Variants in ULK4 observed in about 807,000 individuals in gnomAD.
ULK4 encodes unc-51 like kinase 4, also known as inactive serine/threonine-protein kinase ULK4.
Under a neutral mutation model 160.6 loss-of-function variants are expected in ULK4, and 133 were observed. The ratio of observed to expected loss-of-function variants is 0.83; its 90% CI spans 0.72 to 0.96. The LOEUF (loss-of-function observed/expected upper bound fraction) is 0.96, where lower values mean the gene tolerates loss of function less well. ULK4 is among the 40% of genes least tolerant of loss of function. ULK4 has a pLI of 0.00. For missense variants in ULK4, 1,580 were observed against 1,499.5 expected, an observed-to-expected ratio of 1.05 and a Z score of -0.89; for synonymous variants, 534 against 539.8, an observed-to-expected ratio of 0.99 and a Z score of 0.15.
rs1280370260 is a variant in ULK4, at chr3:41,409,431, C to G, written c.3493-11167G>C. Reference sequence around the variant, plus strand: ...ACTGATTTGCTATAAAGGATATAACCAAGAAAGTAAAAAGACAACCCACAA... The same window carrying G: ...ACTGATTTGCTATAAAGGATATAACGAAGAAAGTAAAAAGACAACCCACAA... On this transcript the variant is annotated intron_variant, in intron 34 of 36. Transcript: ENST00000301831. Among the ~76,000 whole-genome samples the G allele has an allele frequency of 2.0e-5, 3 of 152,068 alleles. No individual in the cohort carries two copies. In the East Asian group the frequency reaches 5.8e-4, roughly 29 times the overall value.
chr3:41,508,623 C>T (rs1350065550), intron 32 of ULK4, among the ~76,000 whole-genome samples: 1 of 152,178 alleles, frequency 6.6e-6, no homozygotes, highest in East Asian at 1.9e-4. Context: ...AGCCGAAAGA[C>T]ATAAAGATGG....
intron 8 of ULK4, 196 bp from the exon 9 acceptor site, chr3:41,913,095 G>A (rs9822598): frequency 0.77 from 420,044 of 542,892 alleles, 168,482 homozygotes; most frequent in East Asian, 0.86. Flanking sequence ...CAATTCAGAA[G>A]CATTAAATGG....
At chr3:41,894,076 T>C (rs1041467792) in intron 16 of ULK4, among the ~76,000 whole-genome samples, 2 of 152,200 alleles carry the variant, frequency 1.3e-5, no homozygotes, top group Non-Finnish European at 2.9e-5. Context: ...AAAAACAGTA[T>C]GTGTGAATTT....
At chr3:41,464,640 T>C (rs572575718) in intron 32 of ULK4, among the ~76,000 whole-genome samples, 21 of 152,314 alleles carry the variant, frequency 1.4e-4, no homozygotes, top group Middle Eastern at 3.4e-3. Flanking sequence ...GAGCTGTAGA[T>C]AGAAGGGCTT....
intron 35 of ULK4, among the ~76,000 whole-genome samples, chr3:41,344,945 A>C (rs1026356287): frequency 7.9e-5 from 12 of 152,172 alleles, no homozygotes; most frequent in Admixed American, 5.9e-4. Context: ...AGAAAAAAAC[A>C]ACTGCACCAA....
intron 35 of ULK4, among the ~76,000 whole-genome samples, chr3:41,254,810 G>A (rs2078803150): frequency 6.6e-6 from 1 of 151,602 alleles, no homozygotes; most frequent in Non-Finnish European, 1.5e-5. Flanking sequence ...TTGAACCCAG[G>A]AGGCAGAGGT....
intron 32 of ULK4, among the ~76,000 whole-genome samples, chr3:41,522,669 A>G (rs1032309639): frequency 6.6e-6 from 1 of 152,218 alleles, no homozygotes; most frequent in African/African-American, 2.4e-5. Context: ...TTTCAAAACT[A>G]AAGTCAGATG....
At chr3:41,936,010 C>T (rs933728242) in intron 3 of ULK4, 70 bp from the exon 4 acceptor site, 14 of 1,565,416 alleles carry the variant, frequency 8.9e-6, no homozygotes, top group Non-Finnish European at 1.2e-5. Flanking sequence ...AGAGGTTCCA[C>T]GCTGACAGAT....
intron 31 of ULK4, among the ~76,000 whole-genome samples, chr3:41,599,141 C>T (rs944337033): frequency 4.6e-5 from 7 of 152,130 alleles, no homozygotes; most frequent in Non-Finnish European, 8.8e-5. Context: ...CTTGTGACTG[C>T]ATTGGGCCGT....
At chr3:41,768,238 G>T (rs1168435911) in intron 21 of ULK4, among the ~76,000 whole-genome samples, 2 of 152,142 alleles carry the variant, frequency 1.3e-5, no homozygotes, top group African/African-American at 2.4e-5. Flanking sequence ...GCCAAAAAGG[G>T]TGGAGACCAC....
intron 22 of ULK4, among the ~76,000 whole-genome samples, chr3:41,737,338 C>G (rs2038090100): frequency 6.6e-6 from 1 of 151,956 alleles, no homozygotes; most frequent in African/African-American, 2.4e-5. Flanking sequence ...AGGAGAACTA[C>G]AAACCACTGC....
chr3:41,952,894 C>G (rs1467315373), intron 2 of ULK4, among the ~76,000 whole-genome samples: 2 of 151,970 alleles, frequency 1.3e-5, no homozygotes, highest in Non-Finnish European at 2.9e-5. Context: ...GGAGGAAATT[C>G]TAACACATGC....
intron 32 of ULK4, among the ~76,000 whole-genome samples, chr3:41,471,002 A>G (rs1364051592): frequency 6.6e-6 from 1 of 152,144 alleles, no homozygotes; most frequent in Admixed American, 6.6e-5. Context: ...AACAGATTAA[A>G]TTCTCCAACA....
chr3:41,664,510 A>G (rs1166204170), intron 29 of ULK4, among the ~76,000 whole-genome samples: 2 of 152,118 alleles, frequency 1.3e-5, no homozygotes, highest in African/African-American at 4.8e-5. Context: ...TCAATGGCCA[A>G]AGTTTTTATG....
chr3:41,927,915 T>G (rs771582960), intron 5 of ULK4, among the ~76,000 whole-genome samples: 6 of 152,122 alleles, frequency 3.9e-5, no homozygotes, highest in Non-Finnish European at 8.8e-5. Flanking sequence ...TGGGAGACTT[T>G]AACACCCCAC....
chr3:41,650,892 T>C (rs2034713168), intron 30 of ULK4, among the ~76,000 whole-genome samples: 1 of 152,248 alleles, frequency 6.6e-6, no homozygotes, highest in Non-Finnish European at 1.5e-5. Context: ...CACTAGATTG[T>C]TCTCATTAAC....
chr3:41,263,684 G>C (rs12493870), intron 35 of ULK4, among the ~76,000 whole-genome samples: 29,795 of 152,116 alleles, frequency 0.2, 4,916 homozygotes, highest in African/African-American at 0.44. Context: ...GAGACCTCCA[G>C]TGTCGTAAGA....
At chr3:41,496,631 A>C (rs947161734) in intron 32 of ULK4, among the ~76,000 whole-genome samples, 1 of 152,146 alleles carries the variant, frequency 6.6e-6, no homozygotes, top group Admixed American at 6.6e-5. Flanking sequence ...AGAAATCTGC[A>C]TAGTGCTGCC....
chr3:41,608,031 C>A (rs773699674), intron 31 of ULK4, among the ~76,000 whole-genome samples: 1 of 152,182 alleles, frequency 6.6e-6, no homozygotes, highest in Non-Finnish European at 1.5e-5. Flanking sequence ...AAACCCTTTA[C>A]AAGTGTGTAT....
Sources: gnomAD v4.1 joint callset for allele counts (sites outside exome capture counted in the v4.1 genomes callset) on GRCh38, gnomAD v4.1.1 for gene constraint, MANE v1.5 for transcripts, NCBI Gene and HGNC (gene_info 2026-07-23, HGNC 2026-07-21) for gene names.